Variants in RECK observed in about 807,000 individuals in gnomAD.
RECK encodes reversion-inducing cysteine-rich protein with Kazal motifs.
In RECK, 69 loss-of-function variants were observed where a neutral mutation model predicts 115.1. That is an observed-to-expected ratio of 0.60 (90% CI 0.49 to 0.73). RECK has a LOEUF of 0.73. RECK is among the 30% of genes least tolerant of loss of function. The probability of loss-of-function intolerance (pLI) is 0.00; values close to 1 mark genes in which losing one functional copy is unlikely to be tolerated. For missense variants in RECK, 1,047 were observed against 1,203.7 expected, an observed-to-expected ratio of 0.87 and a Z score of 1.93; for synonymous variants, 414 against 419.7, an observed-to-expected ratio of 0.99 and a Z score of 0.17.
intron 12 of RECK, among the ~76,000 whole-genome samples, chr9:36,103,595 G>T (rs1823647575): frequency 6.6e-6 from 1 of 152,214 alleles, no homozygotes; most frequent in African/African-American, 2.4e-5. Flanking sequence ...AAGTAAAATT[G>T]GAGATCTTTT....
intron 6 of RECK, among the ~76,000 whole-genome samples, chr9:36,074,356 T>TTGCC (rs1822363220): frequency 6.6e-6 from 1 of 152,154 alleles, no homozygotes. Context: ...ACCAATATAT[T>TTGCC]TAATATGTAT....
chr9:36,100,187 G>A (rs1458575280), intron 10 of RECK, 144 bp from the exon 11 acceptor site: 4 of 625,672 alleles, frequency 6.4e-6, no homozygotes, highest in South Asian at 2.0e-5. Flanking sequence ...TCATACAATC[G>A]AAGCTGATAT....
intron 6 of RECK, among the ~76,000 whole-genome samples, chr9:36,076,969 C>T (rs958534967): frequency 3.3e-5 from 5 of 152,132 alleles, no homozygotes; most frequent in Non-Finnish European, 7.3e-5. Context: ...CCTTTGCTTG[C>T]TTATACATAT....
intron 2 of RECK, 40 bp downstream of exon 2, chr9:36,052,363 TG>T: frequency 2.7e-6 from 4 of 1,461,338 alleles, no homozygotes; most frequent in Non-Finnish European, 3.8e-6. Context: ...CCAGACACAG[TG>T]GTTCATGCCT....
intron 2 of RECK, among the ~76,000 whole-genome samples, chr9:36,056,279 T>C (rs1448230168): frequency 1.3e-5 from 2 of 152,194 alleles, no homozygotes; most frequent in East Asian, 3.8e-4. Context: ...ATTACTTCTT[T>C]GAAAATGTAA....
At chr9:36,070,312 C>T (rs1002152105) in intron 6 of RECK, among the ~76,000 whole-genome samples, 1 of 151,946 alleles carries the variant, frequency 6.6e-6, no homozygotes, top group Non-Finnish European at 1.5e-5. Flanking sequence ...CTAAAAGACC[C>T]ATATCTCAGA....
chr9:36,069,261 C>T (rs575602845), intron 6 of RECK, among the ~76,000 whole-genome samples: 3 of 151,828 alleles, frequency 2.0e-5, no homozygotes, highest in Admixed American at 2.0e-4. Context: ...AAGAGCAGGC[C>T]GGGTGCGGTG....
intron 7 of RECK, among the ~76,000 whole-genome samples, chr9:36,081,732 G>T (rs569020531): frequency 1.3e-5 from 2 of 151,930 alleles, no homozygotes; most frequent in East Asian, 3.9e-4. Flanking sequence ...TACTAGAGAG[G>T]CTGAGGCAGG....
intron 17 of RECK, 77 bp downstream of exon 17, chr9:36,117,254 G>C: frequency 8.3e-7 from 1 of 1,200,062 alleles, no homozygotes; most frequent in East Asian, 2.6e-5. Flanking sequence ...TGAATCAACA[G>C]TAAGACCAGC....
Position 36,065,599 on chromosome 9 carries a change from C to G in RECK, c.380C>G (p.Ser127Cys). ...CKQASSKNDISKVCRKEYENA... is the reference protein window; with the variant it reads ...CKQASSKNDICKVCRKEYENA... Reference sequence around the variant, plus strand: ...TAGGCATCTTCAAAGAATGATATTTCCAAAGTTTGCAGAAAAGAATATGAG... The same window carrying G: ...TAGGCATCTTCAAAGAATGATATTTGCAAAGTTTGCAGAAAAGAATATGAG... The change falls in exon 6 of 21, where the codon TCC (serine) becomes TGC (cysteine). Residue 127 changes from serine (S) to cysteine (C), a missense_variant. Transcript: ENST00000377966. 1 of 1,584,414 alleles carries G rather than the reference C, an allele frequency of 6.3e-7. No individual in the cohort carries two copies. Among genetic ancestry groups the G allele is most frequent in the South Asian group, 1.2e-5 (1 of 83,834 alleles).
intron 10 of RECK, among the ~76,000 whole-genome samples, chr9:36,098,534 T>C (rs911697022): frequency 2.0e-5 from 3 of 152,214 alleles, no homozygotes; most frequent in Non-Finnish European, 4.4e-5. Flanking sequence ...GAGTAGAAGA[T>C]AGTTTGAGGA....
At chr9:36,055,065 A>G (rs1054859533) in intron 2 of RECK, among the ~76,000 whole-genome samples, 2 of 152,208 alleles carry the variant, frequency 1.3e-5, no homozygotes, top group South Asian at 4.1e-4. Flanking sequence ...TGTAAACCCT[A>G]TGGTCTGATA....
At chr9:36,062,658 A>T (rs1438179538) in intron 4 of RECK, among the ~76,000 whole-genome samples, 1 of 151,316 alleles carries the variant, frequency 6.6e-6, no homozygotes, top group Non-Finnish European at 1.5e-5. Context: ...TTGAATTTTT[A>T]GTAGAGATGG....
intron 8 of RECK, among the ~76,000 whole-genome samples, chr9:36,087,047 T>C (rs1019901850): frequency 6.6e-6 from 1 of 152,116 alleles, no homozygotes; most frequent in African/African-American, 2.4e-5. Flanking sequence ...ACCTTTTTGC[T>C]ACACTGCAAA....
intron 2 of RECK, 145 bp downstream of exon 2, chr9:36,052,468 TAA>T (rs1843054175): frequency 1.9e-6 from 1 of 529,042 alleles, no homozygotes; most frequent in African/African-American, 1.9e-5. Flanking sequence ...CCCCTGTCTC[TAA>T]AAAATAAAAA....
At chr9:36,110,139 C>G (rs1008958646) in intron 15 of RECK, 60 bp downstream of exon 15, 1 of 1,550,492 alleles carries the variant, frequency 6.4e-7, no homozygotes, top group Non-Finnish European at 8.8e-7. Flanking sequence ...ACACATTTTT[C>G]CCTTCAAGGC....
At chr9:36,058,242 G>A (rs1821610177) in intron 2 of RECK, among the ~76,000 whole-genome samples, 1 of 151,890 alleles carries the variant, frequency 6.6e-6, no homozygotes, top group Non-Finnish European at 1.5e-5. Flanking sequence ...GCAAAGACTT[G>A]GAACCAACCC....
chr9:36,057,326 T>G (rs76604171), intron 2 of RECK, among the ~76,000 whole-genome samples: 2,485 of 152,180 alleles, frequency 0.016, 55 homozygotes, highest in East Asian at 0.062. Context: ...TAAACTTATC[T>G]TTTTTTTCTT....
At chr9:36,054,938 G>A (rs2132569379) in intron 2 of RECK, among the ~76,000 whole-genome samples, 1 of 152,236 alleles carries the variant, frequency 6.6e-6, no homozygotes, top group Admixed American at 6.5e-5. Context: ...AGTAAGTGCA[G>A]GAAGTAAAGA....
Sources: allele counts gnomAD v4.1 joint callset (sites outside exome capture counted in the v4.1 genomes callset), GRCh38; gene constraint gnomAD v4.1.1; transcripts MANE v1.5; gene names NCBI Gene and HGNC (gene_info 2026-07-23, HGNC 2026-07-21).